Variants in ACBD6 observed in about 807,000 individuals in gnomAD.
The protein encoded by ACBD6 is acyl-CoA binding domain containing 6.
Under a neutral mutation model 37.2 loss-of-function variants are expected in ACBD6, and 28 were observed. That is an observed-to-expected ratio of 0.75 (90% CI 0.56 to 1.03). The LOEUF is 1.03. Among genes scored for constraint, ACBD6 ranks in the 50% least tolerant of loss-of-function variants. The pLI is 0.00. For missense variants in ACBD6, 340 were observed against 337.4 expected (o/e 1.01, Z -0.06); for synonymous variants, 113 against 126.8 (o/e 0.89, Z 0.73).
intron 3 of ACBD6, among the ~76,000 whole-genome samples, chr1:180,485,318 CAA>C (rs34083782): frequency 6.6e-6 from 1 of 152,078 alleles, no homozygotes; most frequent in Non-Finnish European, 1.5e-5. Context: ...TTGTGACCCC[CAA>C]AAAGGTATGC....
chr1:180,436,495 T>C (rs555674725), intron 3 of ACBD6, among the ~76,000 whole-genome samples: 36 of 152,272 alleles, frequency 2.4e-4, no homozygotes, highest in Admixed American at 1.8e-3. Context: ...AGGGTGGACG[T>C]GATAAAGCCA....
At chr1:180,360,689 G>A (rs1339697543) in intron 6 of ACBD6, among the ~76,000 whole-genome samples, 1 of 151,978 alleles carries the variant, frequency 6.6e-6, no homozygotes, top group African/African-American at 2.4e-5. Context: ...GTAATTAAAT[G>A]TGACAAAAAA....
At chr1:180,369,089 CTTTAGGCATCTCTGTAGGAATTCACAGA>C (rs975933023) in intron 6 of ACBD6, among the ~76,000 whole-genome samples, 21 of 152,088 alleles carry the variant, frequency 1.4e-4, no homozygotes, top group African/African-American at 4.6e-4. Context: ...GGAAGAAAAC[CTTTAGGCATCTCTGTAGGAATTCACAGA>C]ACAGTTTGAA....
intron 3 of ACBD6, among the ~76,000 whole-genome samples, chr1:180,468,985 T>C (rs887119373): frequency 5.3e-5 from 8 of 152,208 alleles, no homozygotes; most frequent in African/African-American, 1.9e-4. Context: ...TGCCATCACC[T>C]CTATCTATAC....
Position 180,430,000 on chromosome 1 carries a change from G to A in ACBD6, c.467+180C>T, listed in dbSNP as rs1186664528. On this transcript the variant is annotated intron_variant, in intron 4 of 7. Transcript: ENST00000367595. ...AAAAAATTATTTCCTGTCATTTATT[G>A]TCCTGCTGGCAAATACCACCAAATC... 2.6e-5 allele frequency among the ~76,000 whole-genome samples: 4 copies of A among 152,070 alleles called. No homozygotes were observed. The East Asian group carries it at 7.7e-4, about 29-fold the overall frequency.
chr1:180,284,456 C>T (rs141184497), downstream of ACBD6, among the ~76,000 whole-genome samples: 2,771 of 151,854 alleles, frequency 0.018, 88 homozygotes, highest in African/African-American at 0.062. Flanking sequence ...CTCTGCCTCC[C>T]GAGTTCAAGT....
In ACBD6 at chr1:180,450,595, A is replaced by G. The variant is rs560370247; in HGVS notation, c.385-20333T>C. On this transcript the variant is annotated intron_variant, in intron 3 of 7. Coordinates refer to ENST00000367595, the MANE Select transcript of ACBD6 (RefSeq NM_032360.4). ...AACACAGTGAAACTCCGTCTCTACT[A>G]AAAAATACAAAAAAATTAGCCAGGC... is the stretch of plus-strand genomic sequence containing the variant. Among the ~76,000 whole-genome samples the G allele has an allele frequency of 2.0e-5, 3 of 152,090 alleles. No individual in the cohort carries two copies. In the East Asian group the frequency reaches 5.8e-4, roughly 29 times the overall value.
At chr1:180,488,582 T>C (rs956172411) in intron 3 of ACBD6, among the ~76,000 whole-genome samples, 21 of 145,580 alleles carry the variant, frequency 1.4e-4, no homozygotes, top group Admixed American at 4.1e-4. Context: ...GTTAGTTGGC[T>C]TTTTTTTTTT....
downstream of ACBD6, among the ~76,000 whole-genome samples, chr1:180,285,405 C>A (rs545008690): frequency 3.3e-5 from 5 of 152,234 alleles, no homozygotes; most frequent in South Asian, 1.0e-3. Context: ...AATATTGTAA[C>A]TATGATGAAA....
intron 6 of ACBD6, among the ~76,000 whole-genome samples, chr1:180,342,805 T>C (rs1167542300): frequency 6.6e-6 from 1 of 152,058 alleles, no homozygotes; most frequent in East Asian, 1.9e-4. Context: ...TTTTAAAATA[T>C]ATTACAAAGA....
At chr1:180,291,854 G>T (rs1649721243) in intron 7 of ACBD6, among the ~76,000 whole-genome samples, 2 of 151,780 alleles carry the variant, frequency 1.3e-5, no homozygotes, top group African/African-American at 4.8e-5. Context: ...GTTAATTTTT[G>T]AGTAGGCTTC....
intron 7 of ACBD6, among the ~76,000 whole-genome samples, chr1:180,301,338 T>G (rs1024493600): frequency 6.6e-6 from 1 of 152,144 alleles, no homozygotes; most frequent in African/African-American, 2.4e-5. Context: ...TCCAAAAACT[T>G]AACTACTAAT....
intron 6 of ACBD6, among the ~76,000 whole-genome samples, chr1:180,376,610 A>T (rs1653445856): frequency 6.6e-6 from 1 of 152,202 alleles, no homozygotes; most frequent in Non-Finnish European, 1.5e-5. Flanking sequence ...TGTAAAAAAA[A>T]TGGGATATGA....
chr1:180,411,521 A>G (rs920671271), intron 5 of ACBD6, among the ~76,000 whole-genome samples: 1 of 152,242 alleles, frequency 6.6e-6, no homozygotes, highest in Admixed American at 6.5e-5. Flanking sequence ...TTTTACCGCA[A>G]GAAGATTATG....
chr1:180,386,993 T>C (rs1465200543), intron 6 of ACBD6, among the ~76,000 whole-genome samples: 7 of 152,254 alleles, frequency 4.6e-5, no homozygotes, highest in Non-Finnish European at 1.5e-5. Context: ...TATGCGTATC[T>C]GTATTCTATT....
intron 9 of ACBD6, among the ~76,000 whole-genome samples, chr1:180,280,710 T>C (rs973629868): frequency 6.6e-6 from 1 of 152,180 alleles, no homozygotes; most frequent in African/African-American, 2.4e-5. Context: ...GTGGAGAAGA[T>C]GAGAAGTTCA....
At chr1:180,454,428 G>T (rs1306725840) in intron 3 of ACBD6, among the ~76,000 whole-genome samples, 1 of 152,144 alleles carries the variant, frequency 6.6e-6, no homozygotes, top group Non-Finnish European at 1.5e-5. Flanking sequence ...AACCCTAGAA[G>T]AAAACCTAGC....
chr1:180,456,675 T>C (rs1194096799), intron 3 of ACBD6, among the ~76,000 whole-genome samples: 2 of 152,174 alleles, frequency 1.3e-5, no homozygotes, highest in Non-Finnish European at 2.9e-5. Flanking sequence ...CAACTAGCTA[T>C]GAAGAATATC....
At chr1:180,492,061 G>A (rs922727452) in intron 3 of ACBD6, among the ~76,000 whole-genome samples, 2 of 152,102 alleles carry the variant, frequency 1.3e-5, no homozygotes, top group Non-Finnish European at 2.9e-5. Context: ...CACCTGGCTT[G>A]GCCTCCCAGA....
Sources: allele counts gnomAD v4.1 joint callset (sites outside exome capture counted in the v4.1 genomes callset), GRCh38; gene constraint gnomAD v4.1.1; transcripts MANE v1.5; gene names NCBI Gene and HGNC (gene_info 2026-07-23, HGNC 2026-07-21).